CELF2: variants seen among roughly 807,000 people sequenced by gnomAD.
CELF2 encodes the protein CUG triplet repeat RNA-binding protein 2.
In CELF2, 8 loss-of-function variants were observed where a neutral mutation model predicts 62.6. The observed-to-expected ratio is 0.13, with a 90% CI of 0.07 to 0.23. CELF2 has a LOEUF of 0.23. CELF2 is among the 10% of genes least tolerant of loss of function. The pLI, the probability that CELF2 is intolerant of heterozygous loss-of-function variation, is 1.00. For synonymous variants in CELF2, 258 were observed against 250.0 expected (o/e 1.03, Z -0.30); for missense variants, 333 against 671.0 (o/e 0.50, Z 5.56).
chr10:11,101,859 T>C (rs936391559), intron 1 of CELF2, among the ~76,000 whole-genome samples: 2 of 152,220 alleles, frequency 1.3e-5, no homozygotes, highest in South Asian at 2.1e-4. Flanking sequence ...ATCTGTACTT[T>C]TGTTGACAAT....
intron 2 of CELF2, among the ~76,000 whole-genome samples, chr10:11,206,271 A>G (rs1417305387): frequency 6.6e-6 from 1 of 152,206 alleles, no homozygotes; most frequent in East Asian, 1.9e-4. Context: ...GAAGCATCTA[A>G]TAGCCCAGCT....
At chr10:10,805,915 A>G (rs982459791) in intron 1 of CELF2, among the ~76,000 whole-genome samples, 5 of 152,306 alleles carry the variant, frequency 3.3e-5, no homozygotes, top group Admixed American at 2.0e-4. Flanking sequence ...TGGGGGAGCA[A>G]TCAGGCATTT....
rs1162162943 is a variant in CELF2 at position 11,290,347 on chromosome 10, T to C, written c.976+1795T>C. ...TCCGTGACGGAAGCCATGGCGCGTG[T>C]TGAGGCAGAGGACAGAGCCAGTGGG... On this transcript the variant is annotated intron_variant, in intron 9 of 12. Coordinates refer to ENST00000633077, the MANE Select transcript of CELF2 (RefSeq NM_001326342.2). This position sits in a 1 kb window ranked among gnomAD's most constrained non-coding sequence, Gnocchi z 4.3. 2.0e-5 allele frequency among the ~76,000 whole-genome samples: 3 copies of C among 152,066 alleles called. No individual in the cohort carries two copies. The highest frequency in any genetic ancestry group is 6.5e-5 in the Admixed American group (1 of 15,268).
At chr10:11,059,784 G>T (rs906722837) in intron 1 of CELF2, among the ~76,000 whole-genome samples, 7 of 152,270 alleles carry the variant, frequency 4.6e-5, no homozygotes, top group African/African-American at 1.4e-4. Context: ...AAACTTAGCT[G>T]GTGAAGGACT....
chr10:10,600,613 C>A, the CELF2 span, among the ~76,000 whole-genome samples: 1 of 152,080 alleles, frequency 6.6e-6, no homozygotes, highest in Non-Finnish European at 1.5e-5. Context: ...GAAGAGGAGA[C>A]AAACATAATA....
chr10:10,474,305 A>G, the CELF2 span, among the ~76,000 whole-genome samples: 3 of 151,986 alleles, frequency 2.0e-5, no homozygotes, highest in African/African-American at 7.2e-5. Flanking sequence ...AAGACAAAAT[A>G]ATACCATAAC....
chr10:10,702,966 G>A, the CELF2 span, among the ~76,000 whole-genome samples: 1 of 152,100 alleles, frequency 6.6e-6, no homozygotes, highest in African/African-American at 2.4e-5. Context: ...CAAAAGCAGA[G>A]ATCCTGCAGA....
chr10:10,743,565 A>C, the CELF2 span, among the ~76,000 whole-genome samples: 18 of 152,236 alleles, frequency 1.2e-4, no homozygotes, highest in African/African-American at 3.6e-4. Flanking sequence ...GAGTGCAAGA[A>C]CATTTTAATT....
At chr10:11,045,226 G>T (rs1219262224) in intron 1 of CELF2, among the ~76,000 whole-genome samples, 1 of 152,122 alleles carries the variant, frequency 6.6e-6, no homozygotes, top group Non-Finnish European at 1.5e-5. Context: ...ATGGCTCACT[G>T]CAGCCTCAAG....
chr10:10,770,414 T>G, the CELF2 span, among the ~76,000 whole-genome samples: 1 of 151,874 alleles, frequency 6.6e-6, no homozygotes, highest in Admixed American at 6.6e-5. Context: ...TGAGGTCTGC[T>G]GGGGTGGAGG....
intron 2 of CELF2, among the ~76,000 whole-genome samples, chr10:10,962,750 C>A (rs561545404): frequency 6.6e-6 from 1 of 152,090 alleles, no homozygotes; most frequent in East Asian, 1.9e-4. Context: ...TCTTTTTCAG[C>A]AACTAAAGAG....
At chr10:10,502,934 A>G in the CELF2 span, among the ~76,000 whole-genome samples, 3 of 151,962 alleles carry the variant, frequency 2.0e-5, no homozygotes, top group Admixed American at 6.6e-5. Context: ...TACATTATGT[A>G]TTCCTTATCA....
chr10:11,300,051 C>T lies in CELF2; in HGVS notation c.976+11499C>T, dbSNP rs367751673. On this transcript the variant is annotated intron_variant, in intron 9 of 12. Coordinates refer to ENST00000633077, the MANE Select transcript of CELF2 (RefSeq NM_001326342.2). This position sits in a 1 kb window ranked among gnomAD's most constrained non-coding sequence, Gnocchi z 5.5. ...CACTGCCTTTATGAGTGCCCGTCTT[C>T]ACGGGACTGGGGAAGATGCTAAAAA... Among the ~76,000 whole-genome samples the T allele has an allele frequency of 2.6e-5, 4 of 152,312 alleles. No homozygotes were observed. The highest frequency in any genetic ancestry group is 1.9e-4 in the East Asian group (1 of 5,182).
the CELF2 span, among the ~76,000 whole-genome samples, chr10:10,625,004 C>T: frequency 2.6e-5 from 4 of 152,106 alleles, no homozygotes; most frequent in Admixed American, 6.5e-5. Context: ...CCTAAGTGGG[C>T]GAGAATATTT....
the CELF2 span, among the ~76,000 whole-genome samples, chr10:10,719,593 A>T: frequency 6.6e-6 from 1 of 152,166 alleles, no homozygotes; most frequent in South Asian, 2.1e-4. Context: ...TATATGTTGC[A>T]TGATAGCCTA....
intron 8 of CELF2, among the ~76,000 whole-genome samples, chr10:11,282,709 G>A (rs372139156): frequency 2.1e-4 from 32 of 152,338 alleles, no homozygotes; most frequent in African/African-American, 7.7e-4. Flanking sequence ...AAACCCCAAG[G>A]TGCAAACAGG....
At chr10:10,597,865 C>T in the CELF2 span, among the ~76,000 whole-genome samples, 1 of 152,016 alleles carries the variant, frequency 6.6e-6, no homozygotes, top group Non-Finnish European at 1.5e-5. Flanking sequence ...TTAAATATTC[C>T]CCAGTGCATC....
At position 11,305,673 on chromosome 10, in the gene CELF2, TG is replaced by T. The variant is rs1335412135; in HGVS notation, c.977-8465del. Among the ~76,000 whole-genome samples, 1 of 152,198 alleles carries T rather than the reference TG, an allele frequency of 6.6e-6. No individual in the cohort carries two copies. Among genetic ancestry groups the T allele is most frequent in the Non-Finnish European group, 1.5e-5 (1 of 68,036 alleles). ...TAGGCACTCGGTCTCTGACCTACAG[TG>T]TTAACCTAAGACAAGAATCTCTTCT... is the stretch of plus-strand genomic sequence containing the variant. On this transcript the variant is annotated intron_variant, in intron 9 of 12. Coordinates refer to ENST00000633077, the MANE Select transcript of CELF2 (RefSeq NM_001326342.2). The surrounding 1 kb of genome is among the most constrained non-coding windows in gnomAD (Gnocchi z 4.8).
intron 4 of CELF2, among the ~76,000 whole-genome samples, chr10:11,252,755 G>A (rs938436095): frequency 3.9e-5 from 6 of 152,200 alleles, no homozygotes; most frequent in East Asian, 1.9e-4. Context: ...TGCTCCCACA[G>A]AGCCAGGTTG....
Sources: allele counts gnomAD v4.1 joint callset (sites outside exome capture counted in the v4.1 genomes callset), GRCh38; gene constraint gnomAD v4.1.1; non-coding constraint Gnocchi (gnomAD v3.1); transcripts MANE v1.5; gene names NCBI Gene and HGNC (gene_info 2026-07-23, HGNC 2026-07-21).